POM121C: variants seen among roughly 807,000 people sequenced by gnomAD.
POM121C encodes the protein nuclear envelope pore membrane protein POM 121C.
In POM121C, 20 loss-of-function variants were observed where a neutral mutation model predicts 66.4. That is an observed-to-expected ratio of 0.30 (90% CI 0.21 to 0.44). POM121C has a LOEUF of 0.44. Among genes scored for constraint, POM121C ranks in the 20% least tolerant of loss-of-function variants. The probability of loss-of-function intolerance (pLI) is 1.00; values close to 1 mark genes in which losing one functional copy is unlikely to be tolerated. For synonymous variants in POM121C, 286 were observed against 528.0 expected, an observed-to-expected ratio of 0.54 and a Z score of 6.28; for missense variants, 580 against 1,225.7, an observed-to-expected ratio of 0.47 and a Z score of 7.87.
At chr7:75,468,478 T>C (rs1263143192) in intron 3 of POM121C, among the ~76,000 whole-genome samples, 5 of 151,814 alleles carry the variant, frequency 3.3e-5, no homozygotes, top group Non-Finnish European at 7.4e-5. Flanking sequence ...CCACCACACC[T>C]GGCTAATTTT....
chr7:75,424,452 C>A (rs1215193197), intron 11 of POM121C, 74 bp downstream of exon 11: 22 of 1,559,824 alleles, frequency 1.4e-5, no homozygotes, highest in Non-Finnish European at 1.8e-5. Context: ...ACCCATTTTT[C>A]CAAACACCAA....
chr7:75,472,084 C>T, intron 3 of POM121C, among the ~76,000 whole-genome samples: 1 of 151,578 alleles, frequency 6.6e-6, no homozygotes, highest in Non-Finnish European at 1.5e-5. Flanking sequence ...GACGGGGTTT[C>T]ACCGTGTTTG....
chr7:75,449,365 TC>T (rs1482514495), intron 3 of POM121C, among the ~76,000 whole-genome samples: 12 of 145,070 alleles, frequency 8.3e-5, no homozygotes, highest in African/African-American at 2.8e-4. Flanking sequence ...CTGTTCTCTC[TC>T]TTTTTTTTTT....
intron 3 of POM121C, among the ~76,000 whole-genome samples, chr7:75,473,846 G>A (rs1554478980): frequency 6.6e-6 from 1 of 151,844 alleles, no homozygotes; most frequent in Non-Finnish European, 1.5e-5. Context: ...CCGCCACTAC[G>A]TCCGGCTAAT....
chr7:75,473,517 C>A (rs1299619358), intron 3 of POM121C, among the ~76,000 whole-genome samples: 3 of 152,166 alleles, frequency 2.0e-5, no homozygotes, highest in Admixed American at 1.3e-4. Context: ...GGGAGCGCTA[C>A]ATCATCACAT....
chr7:75,435,109 G>A (rs1188307717), intron 7 of POM121C, among the ~76,000 whole-genome samples: 1 of 152,208 alleles, frequency 6.6e-6, no homozygotes, highest in African/African-American at 2.4e-5. Flanking sequence ...AAGGGTGAAA[G>A]GACATATGAA....
At chr7:75,448,256 T>C (rs1790895775) in intron 3 of POM121C, among the ~76,000 whole-genome samples, 1 of 151,554 alleles carries the variant, frequency 6.6e-6, no homozygotes. Flanking sequence ...AATAAAAAGC[T>C]GAAAGAATTC....
At chr7:75,432,855 G>A (rs782090220) in intron 7 of POM121C, among the ~76,000 whole-genome samples, 1 of 152,086 alleles carries the variant, frequency 6.6e-6, no homozygotes, top group Non-Finnish European at 1.5e-5. Flanking sequence ...GACTCGGATC[G>A]CTGGGACAGA....
intron 7 of POM121C, among the ~76,000 whole-genome samples, chr7:75,436,204 AT>A (rs2116389858): frequency 6.6e-6 from 1 of 152,350 alleles, no homozygotes; most frequent in Admixed American, 6.5e-5. Flanking sequence ...AATTCTTTAC[AT>A]TCCTCTTTCT....
At chr7:75,481,299 T>C (rs1199044295) in intron 1 of POM121C, among the ~76,000 whole-genome samples, 3 of 151,094 alleles carry the variant, frequency 2.0e-5, no homozygotes, top group Admixed American at 2.0e-4. Context: ...TCAAATATAT[T>C]TCAAAAGGAC....
At chr7:75,470,762 A>G (rs1791839896) in intron 3 of POM121C, among the ~76,000 whole-genome samples, 1 of 151,982 alleles carries the variant, frequency 6.6e-6, no homozygotes, top group African/African-American at 2.4e-5. Flanking sequence ...CCTCCTGAAT[A>G]GCTGGGACTA....
At chr7:75,443,376 T>G (rs374428277) in intron 3 of POM121C, among the ~76,000 whole-genome samples, 1 of 142,730 alleles carries the variant, frequency 7.0e-6, no homozygotes, top group Admixed American at 7.0e-5. Context: ...AAAATTAGAT[T>G]GTGTTGGCGG....
chr7:75,474,586 T>A (rs1554479089), intron 3 of POM121C, 118 bp downstream of exon 3: 2 of 473,376 alleles, frequency 4.2e-6, no homozygotes, highest in Non-Finnish European at 7.9e-6. Context: ...GGAAGGAAAG[T>A]GATATTTGGG....
chr7:75,434,965 C>A (rs1554472900), intron 7 of POM121C, among the ~76,000 whole-genome samples: 1 of 152,144 alleles, frequency 6.6e-6, no homozygotes, highest in African/African-American at 2.4e-5. Flanking sequence ...TGGTCCCTTT[C>A]ATTCAATACT....
At chr7:75,440,511 T>G (rs1359227679) in intron 5 of POM121C, 1 of 167,938 alleles carries the variant, frequency 6.0e-6, no homozygotes, top group Non-Finnish European at 1.2e-5. Context: ...GAGCTTGCAG[T>G]GAGCTGAGAT....
At chr7:75,448,124 T>A (rs1416851098) in intron 3 of POM121C, among the ~76,000 whole-genome samples, 3 of 151,604 alleles carry the variant, frequency 2.0e-5, no homozygotes, top group Non-Finnish European at 2.9e-5. Flanking sequence ...GAGGCTGAGC[T>A]GGGAGGTTCA....
At chr7:75,473,076 T>C (rs1791936035) in intron 3 of POM121C, among the ~76,000 whole-genome samples, 1 of 152,072 alleles carries the variant, frequency 6.6e-6, no homozygotes, top group African/African-American at 2.4e-5. Context: ...CACAATCAAA[T>C]AGTGGGAGGT....
In POM121C at chr7:75,417,299, GC is replaced by G; in HGVS notation, c.*1496del. On this transcript the variant is annotated 3_prime_UTR_variant, in exon 15 of 15. Coordinates refer to ENST00000615331, the MANE Select transcript of POM121C (RefSeq NM_001099415.3). ...GAAAGCTGCCGGGGACAGCATTTGA[GC>G]CTCTTCTTTGCACAGGCATAACTTA... 1 of 866,154 alleles carries G rather than the reference GC, an allele frequency of 1.2e-6. No homozygotes were observed. Among genetic ancestry groups the G allele is most frequent in the Non-Finnish European group, 1.4e-6 (1 of 721,082 alleles). 53.7% of individuals were successfully genotyped at this position (866,154 alleles called of 1,614,324 possible). A position where few individuals can be genotyped will look rare whatever the true frequency, so the allele number is the denominator to read the frequency against.
chr7:75,452,802 C>T (rs1418788821), intron 3 of POM121C, among the ~76,000 whole-genome samples: 1 of 152,186 alleles, frequency 6.6e-6, no homozygotes. Context: ...TTTGGAACCC[C>T]TAGCCTCTCA....
Sources: gnomAD v4.1 joint callset for allele counts (sites outside exome capture counted in the v4.1 genomes callset) on GRCh38, gnomAD v4.1.1 for gene constraint, MANE v1.5 for transcripts, NCBI Gene and HGNC (gene_info 2026-07-23, HGNC 2026-07-21) for gene names.